Variants in LIN28B observed in about 807,000 individuals in gnomAD.
The protein encoded by LIN28B is lin-28 RNA binding posttranscriptional regulator B, also known as protein lin-28 homolog B.
LIN28B carries 5 observed loss-of-function variants against 21.9 expected under a neutral mutation model. The observed-to-expected ratio is 0.23, with a 90% CI of 0.12 to 0.48. LIN28B has a LOEUF of 0.48. LIN28B is among the 20% of genes least tolerant of loss of function. The probability of loss-of-function intolerance (pLI) is 0.98; values close to 1 mark genes in which losing one functional copy is unlikely to be tolerated. For missense variants in LIN28B, 245 were observed against 310.5 expected (o/e 0.79, Z 1.58); for synonymous variants, 109 against 111.3 (o/e 0.98, Z 0.13).
At chr6:105,004,601 A>T (rs1243250518) in intron 2 of LIN28B, among the ~76,000 whole-genome samples, 1 of 152,182 alleles carries the variant, frequency 6.6e-6, no homozygotes, top group African/African-American at 2.4e-5. Flanking sequence ...ATAAATATTG[A>T]ATGTTTATTT....
intron 3 of LIN28B, among the ~76,000 whole-genome samples, chr6:105,058,667 T>A (rs1317964776): frequency 6.6e-6 from 1 of 152,216 alleles, no homozygotes; most frequent in Non-Finnish European, 1.5e-5. Context: ...TCCAGCATTT[T>A]TAGTTGTTTT....
At chr6:105,004,461 T>G (rs1220925450) in intron 2 of LIN28B, among the ~76,000 whole-genome samples, 4 of 152,214 alleles carry the variant, frequency 2.6e-5, no homozygotes, top group Admixed American at 6.5e-5. Context: ...TTCATACTTC[T>G]GTATCTTTTT....
intron 2 of LIN28B, among the ~76,000 whole-genome samples, chr6:105,012,524 C>T (rs1489905447): frequency 6.6e-6 from 1 of 151,530 alleles, no homozygotes. Flanking sequence ...TTGTTTCTGA[C>T]CCTGTAGTAT....
chr6:105,062,668 T>G (rs543651019), intron 3 of LIN28B, among the ~76,000 whole-genome samples: 1 of 152,258 alleles, frequency 6.6e-6, no homozygotes, highest in Non-Finnish European at 1.5e-5. Context: ...CATACCTATT[T>G]TGGAAATACT....
At chr6:105,009,457 G>T (rs990374046) in intron 2 of LIN28B, among the ~76,000 whole-genome samples, 4 of 152,044 alleles carry the variant, frequency 2.6e-5, no homozygotes, top group African/African-American at 7.3e-5. Flanking sequence ...GGGTTTTTTG[G>T]GGGGGAGGCG....
chr6:105,033,626 T>C (rs935103936), intron 3 of LIN28B, among the ~76,000 whole-genome samples: 1 of 152,004 alleles, frequency 6.6e-6, no homozygotes, highest in Non-Finnish European at 1.5e-5. Context: ...GATTTTTTTC[T>C]ATTTAGTTTT....
chr6:105,005,089 C>T (rs1453920787), intron 2 of LIN28B, among the ~76,000 whole-genome samples: 1 of 152,036 alleles, frequency 6.6e-6, no homozygotes, highest in Non-Finnish European at 1.5e-5. Context: ...ATAGTTTGGC[C>T]AGGTATAGAA....
intron 3 of LIN28B, among the ~76,000 whole-genome samples, chr6:105,051,599 T>C (rs1052433941): frequency 2.0e-5 from 3 of 152,112 alleles, no homozygotes; most frequent in Non-Finnish European, 4.4e-5. Context: ...TTCTTTTAAG[T>C]GTAATCTCCA....
At chr6:105,031,573 G>A (rs1020939308) in intron 3 of LIN28B, among the ~76,000 whole-genome samples, 10 of 145,536 alleles carry the variant, frequency 6.9e-5, no homozygotes, top group Non-Finnish European at 1.3e-4. Context: ...TGGCTCCATC[G>A]CCCAGGCTGG....
intron 2 of LIN28B, chr6:104,940,550 T>G (rs778699010): frequency 7.3e-5 from 11 of 150,256 alleles, no homozygotes; most frequent in Non-Finnish European, 1.6e-4. Context: ...GGCCCTGGAA[T>G]GAATGGAAGG....
chr6:105,009,184 C>G (rs1770874088), intron 2 of LIN28B, among the ~76,000 whole-genome samples: 1 of 152,004 alleles, frequency 6.6e-6, no homozygotes, highest in Non-Finnish European at 1.5e-5. Flanking sequence ...ATTCTGAAAT[C>G]TGCACCAAAA....
At chr6:105,067,461 G>A (rs192611555) in intron 3 of LIN28B, among the ~76,000 whole-genome samples, 41 of 152,294 alleles carry the variant, frequency 2.7e-4, no homozygotes, top group African/African-American at 8.9e-4. Flanking sequence ...AGCACTGGCC[G>A]AGTACCCACT....
intron 2 of LIN28B, among the ~76,000 whole-genome samples, chr6:104,990,626 G>C (rs1222308455): frequency 6.6e-6 from 1 of 151,184 alleles, no homozygotes; most frequent in African/African-American, 2.4e-5. Flanking sequence ...GATTTGGCAG[G>C]GTCATAGGAC....
chr6:105,068,369 GCAGA>G (rs1461240016), intron 3 of LIN28B, among the ~76,000 whole-genome samples: 3 of 152,274 alleles, frequency 2.0e-5, no homozygotes, highest in East Asian at 3.9e-4. Context: ...GAATCCACTA[GCAGA>G]CAATGTGTCT....
chr6:104,982,240 G>T (rs1000876233), intron 2 of LIN28B, among the ~76,000 whole-genome samples: 1 of 151,914 alleles, frequency 6.6e-6, no homozygotes, highest in African/African-American at 2.4e-5. Context: ...CTTGAACCAG[G>T]GAGGCAGAGG....
intron 2 of LIN28B, among the ~76,000 whole-genome samples, chr6:105,003,900 A>G (rs1770765119): frequency 6.6e-6 from 1 of 152,244 alleles, no homozygotes; most frequent in Non-Finnish European, 1.5e-5. Context: ...AGGGTTCTCT[A>G]GAGGGACAAC....
intron 3 of LIN28B, among the ~76,000 whole-genome samples, chr6:105,068,454 T>A (rs912245827): frequency 1.3e-5 from 2 of 152,196 alleles, no homozygotes; most frequent in Admixed American, 1.3e-4. Context: ...TTTTTAAAAA[T>A]TAGTTAAGTT....
intron 2 of LIN28B, among the ~76,000 whole-genome samples, chr6:105,019,936 TA>T (rs1243069422): frequency 6.6e-6 from 1 of 152,102 alleles, no homozygotes; most frequent in Admixed American, 6.6e-5. Flanking sequence ...CTCTGATTTC[TA>T]AGGAGAATCA....
Position 105,026,456 on chromosome 6 carries a change from A to G in LIN28B, c.357A>G (p.Leu119=), listed in dbSNP as rs746139669. 6.3e-7 allele frequency: 1 copy of G among 1,587,680 alleles called. No homozygotes were observed. The highest frequency in any genetic ancestry group is 1.9e-5 in the Admixed American group (1 of 52,210). The change falls in exon 3 of 4, where the codon CTA becomes CTG. Residue 119 remains leucine (L), a synonymous_variant. Transcript: ENST00000345080. ...AAAGAAGACCCAAAGGGAAGACACT[A>G]CAGAAAAGAAAACCAAAGGGAGATA... The part of the protein sequence containing the change: ...GSERRPKGKT[L]QKRKPKGDRC...
Sources: gnomAD v4.1 joint callset for allele counts (sites outside exome capture counted in the v4.1 genomes callset) on GRCh38, gnomAD v4.1.1 for gene constraint, MANE v1.5 for transcripts, NCBI Gene and HGNC (gene_info 2026-07-23, HGNC 2026-07-21) for gene names.